TMED3: variants seen among roughly 807,000 people sequenced by gnomAD.
TMED3 encodes transmembrane emp24 domain-containing protein 3.
Under a neutral mutation model 15.0 loss-of-function variants are expected in TMED3, and 9 were observed. The ratio of observed to expected loss-of-function variants is 0.60; its 90% CI spans 0.36 to 1.04. The LOEUF (loss-of-function observed/expected upper bound fraction) is 1.04. TMED3 is among the 50% of genes least tolerant of loss of function. TMED3 has a pLI of 0.01. For missense variants in TMED3, 267 were observed against 278.9 expected, an observed-to-expected ratio of 0.96 and a Z score of 0.30; for synonymous variants, 117 against 121.4, an observed-to-expected ratio of 0.96 and a Z score of 0.24.
intron 2 of TMED3, among the ~76,000 whole-genome samples, chr15:79,346,610 A>G (rs1244140051): frequency 6.6e-6 from 1 of 152,188 alleles, no homozygotes; most frequent in Non-Finnish European, 1.5e-5. Flanking sequence ...CATCCTTATT[A>G]GCAGCATGAG....
At chr15:79,352,934 AT>A (rs2058897902) in intron 2 of TMED3, among the ~76,000 whole-genome samples, 2 of 100,330 alleles carry the variant, frequency 2.0e-5, no homozygotes, top group African/African-American at 7.4e-5. Context: ...TATATAATAT[AT>A]ATACATATAT....
chr15:79,369,642 A>G (rs1893299527), intron 2 of TMED3, among the ~76,000 whole-genome samples: 1 of 152,220 alleles, frequency 6.6e-6, no homozygotes, highest in Non-Finnish European at 1.5e-5. Context: ...GGTCATTTTT[A>G]TGATTTGAAC....
intron 2 of TMED3, among the ~76,000 whole-genome samples, chr15:79,333,460 C>T (rs1360471270): frequency 6.6e-6 from 1 of 152,092 alleles, no homozygotes; most frequent in Non-Finnish European, 1.5e-5. Context: ...GTTTGTATGC[C>T]CTCAAAACTA....
intron 2 of TMED3, among the ~76,000 whole-genome samples, chr15:79,410,698 G>GTATATATATATA (rs71150909): frequency 3.8e-4 from 56 of 148,990 alleles, no homozygotes; most frequent in African/African-American, 1.4e-3. Flanking sequence ...ATGTGTGTGT[G>GTATATATATATA]TATATATATA....
At chr15:79,326,167 A>G (rs2058786749), downstream of TMED3, among the ~76,000 whole-genome samples, 1 of 152,206 alleles carries the variant, frequency 6.6e-6, no homozygotes, top group Non-Finnish European at 1.5e-5. Flanking sequence ...AATTCAAAGA[A>G]CAGACACATT....
chr15:79,336,485 C>T (rs186292360), intron 2 of TMED3, among the ~76,000 whole-genome samples: 8 of 152,280 alleles, frequency 5.3e-5, no homozygotes, highest in African/African-American at 1.7e-4. Context: ...TGGTGAAACC[C>T]TGCCTCTACT....
In TMED3 at chr15:79,311,405, C is replaced by A; in HGVS notation, c.156C>A (p.Ser52=). Residue 52 remains serine, a synonymous_variant, in exon 1 of 3, where the codon TCC becomes TCA. Coordinates refer to ENST00000299705, the MANE Select transcript of TMED3 (RefSeq NM_007364.4). The part of the protein sequence containing the change: ...HEEVEQGVKF[S]LDYQVITGGH... ...AGGTGGAGCAGGGCGTGAAGTTCTCCCTGGATTACCAGGTGAGGCCGGGCG... is the reference window on the plus strand; with the variant it reads ...AGGTGGAGCAGGGCGTGAAGTTCTCACTGGATTACCAGGTGAGGCCGGGCG... 1 of 1,609,928 alleles carries A rather than the reference C, an allele frequency of 6.2e-7. No homozygotes were observed.
At chr15:79,351,747 T>G (rs965808358) in intron 2 of TMED3, among the ~76,000 whole-genome samples, 2 of 152,094 alleles carry the variant, frequency 1.3e-5, no homozygotes, top group Non-Finnish European at 2.9e-5. Context: ...GGAAAAGAAG[T>G]CATTATATGA....
At chr15:79,394,431 A>G (rs2141254918) in intron 2 of TMED3, among the ~76,000 whole-genome samples, 1 of 152,308 alleles carries the variant, frequency 6.6e-6, no homozygotes, top group East Asian at 1.9e-4. Flanking sequence ...TGGCAACCCA[A>G]GGTTTCCTAA....
intron 2 of TMED3, among the ~76,000 whole-genome samples, chr15:79,318,075 G>A (rs762218141): frequency 5.3e-5 from 8 of 152,150 alleles, no homozygotes; most frequent in Non-Finnish European, 1.0e-4. Flanking sequence ...ACCAGGCCCT[G>A]TACAGTTCTT....
intron 2 of TMED3, among the ~76,000 whole-genome samples, chr15:79,372,218 G>A (rs1050764428): frequency 6.6e-6 from 1 of 152,212 alleles, no homozygotes; most frequent in African/African-American, 2.4e-5. Context: ...TGGTCCAAAG[G>A]AAATGGTGGA....
intron 2 of TMED3, among the ~76,000 whole-genome samples, chr15:79,399,169 C>T (rs1893801180): frequency 6.6e-6 from 1 of 152,154 alleles, no homozygotes. Context: ...CCTCGGCCTC[C>T]CAAAGTGCTG....
chr15:79,351,428 A>G lies in TMED3; in HGVS notation c.417+37423A>G, dbSNP rs192565150. ...TGGCAGTACTGTTTCTGCTTGTTGA[A>G]AAGATGAAAAAACCTTTAATTACCA... On this transcript the variant is annotated intron_variant, in intron 2 of 2. Coordinates refer to the TMED3 transcript ENST00000424155. Among the ~76,000 whole-genome samples, 1,262 of 152,350 alleles carry G rather than the reference A, an allele frequency of 8.3e-3. 7 individuals are homozygous for G. The highest frequency in any genetic ancestry group is 0.011 in the Non-Finnish European group (767 of 68,034).
rs187410839 is a variant in TMED3, at chr15:79,389,571, T to G, written c.418-21829T>G. On this transcript the variant is annotated intron_variant, in intron 2 of 2. Transcript: ENST00000424155. Reference sequence around the variant, plus strand: ...TTTGCTAAGTCTTGTGTTGGCTATGTGGGCTCTTGTTTGGTTCCATATGAA... The same window carrying G: ...TTTGCTAAGTCTTGTGTTGGCTATGGGGGCTCTTGTTTGGTTCCATATGAA... Among the ~76,000 whole-genome samples the G allele has an allele frequency of 5.5e-4, 84 of 152,292 alleles. No homozygotes were observed. The East Asian group carries it at 0.015, about 28-fold the overall frequency.
chr15:79,333,072 G>A (rs1295419240), intron 2 of TMED3, among the ~76,000 whole-genome samples: 1 of 152,156 alleles, frequency 6.6e-6, no homozygotes, highest in Non-Finnish European at 1.5e-5. Flanking sequence ...CTGCCTGCTT[G>A]CAGTGGGACA....
intron 2 of TMED3, among the ~76,000 whole-genome samples, chr15:79,319,256 G>A (rs2141216075): frequency 6.6e-6 from 1 of 152,360 alleles, no homozygotes; most frequent in East Asian, 1.9e-4. Context: ...CAGCCACTGT[G>A]TGCAGGAGAG....
At chr15:79,337,434 G>T (rs2058831174) in intron 2 of TMED3, among the ~76,000 whole-genome samples, 1 of 152,118 alleles carries the variant, frequency 6.6e-6, no homozygotes, top group African/African-American at 2.4e-5. Context: ...ATAAGAATTT[G>T]GGGGAAAAAC....
intron 2 of TMED3, among the ~76,000 whole-genome samples, chr15:79,317,575 CA>C (rs2058746040): frequency 6.6e-6 from 1 of 151,424 alleles, no homozygotes; most frequent in South Asian, 2.1e-4. Context: ...TTTGTACATA[CA>C]AACATGTATG....
intron 2 of TMED3, among the ~76,000 whole-genome samples, chr15:79,319,819 A>G (rs1489121895): frequency 1.3e-5 from 2 of 152,214 alleles, no homozygotes; most frequent in Non-Finnish European, 1.5e-5. Flanking sequence ...AGAGAGAGAC[A>G]GCTTATGCCA....
Sources: gnomAD v4.1 joint callset for allele counts (sites outside exome capture counted in the v4.1 genomes callset) on GRCh38, gnomAD v4.1.1 for gene constraint, MANE v1.5 for transcripts, NCBI Gene and HGNC (gene_info 2026-07-23, HGNC 2026-07-21) for gene names.